Variants in ZBTB16 observed in about 807,000 individuals in gnomAD.
ZBTB16 encodes zinc finger and BTB domain-containing protein 16.
ZBTB16 carries 8 observed loss-of-function variants against 56.8 expected under a neutral mutation model. The observed-to-expected ratio is 0.14, with a 90% CI of 0.08 to 0.25. The LOEUF is 0.25. Among genes scored for constraint, ZBTB16 ranks in the 10% least tolerant of loss-of-function variants. ZBTB16 has a pLI of 1.00. For missense variants in ZBTB16, 625 were observed against 903.0 expected, an observed-to-expected ratio of 0.69 and a Z score of 3.95; for synonymous variants, 363 against 368.5, an observed-to-expected ratio of 0.98 and a Z score of 0.17.
At chr11:114,088,477 T>C (rs1940049238) in intron 2 of ZBTB16, among the ~76,000 whole-genome samples, 2 of 152,156 alleles carry the variant, frequency 1.3e-5, no homozygotes, top group African/African-American at 4.8e-5. Flanking sequence ...GTTCATTTCT[T>C]CCCTAAGAAA....
chr11:114,173,304 C>G (rs1943018670), intron 3 of ZBTB16, among the ~76,000 whole-genome samples: 1 of 152,108 alleles, frequency 6.6e-6, no homozygotes, highest in South Asian at 2.1e-4. Context: ...CCACAGCAGG[C>G]CTGGAGAGAC....
chr11:114,137,027 C>G (rs1419830191), intron 2 of ZBTB16, among the ~76,000 whole-genome samples: 1 of 152,154 alleles, frequency 6.6e-6, no homozygotes, highest in Non-Finnish European at 1.5e-5. Context: ...GTCTGGAATG[C>G]TTGAGTACAT....
chr11:114,222,357 GC>G (rs1180611614), intron 4 of ZBTB16, among the ~76,000 whole-genome samples: 1 of 152,154 alleles, frequency 6.6e-6, no homozygotes, highest in Non-Finnish European at 1.5e-5. Context: ...TAAGAAAGAA[GC>G]CTGAAGGTGA....
At chr11:114,142,263 C>T (rs1468185313) in intron 2 of ZBTB16, among the ~76,000 whole-genome samples, 1 of 152,184 alleles carries the variant, frequency 6.6e-6, no homozygotes, top group African/African-American at 2.4e-5. Flanking sequence ...TTCCTGTTGC[C>T]TAAAAACTTT....
intron 5 of ZBTB16, chr11:114,246,995 G>T: frequency 4.5e-6 from 3 of 665,212 alleles, no homozygotes; most frequent in Non-Finnish European, 2.6e-6. Context: ...AGATGATCAT[G>T]GGGCCACAGT....
At chr11:114,161,088 C>T (rs988611502) in intron 3 of ZBTB16, among the ~76,000 whole-genome samples, 5 of 152,098 alleles carry the variant, frequency 3.3e-5, no homozygotes, top group African/African-American at 1.2e-4. Flanking sequence ...CACTCCTTGT[C>T]GTAACACGAG....
Position 114,063,935 on chromosome 11 carries a change from C to T in ZBTB16, c.635C>T (p.Ser212Phe). ...GACAGTTTGATGACCATAGGACAGT[C>T]TCTCCTGCAGGGAACTCTTCAGCCA... ...AVDSLMTIGQ[S>F]LLQGTLQPPA... Residue 212 changes from serine to phenylalanine, a missense_variant, in exon 2 of 7, where the codon TCT becomes TTT. Around this residue, in one of 6 missense-constraint regions of ZBTB16, gnomAD observed 384 missense variants for 393.5 expected, o/e 0.98. Coordinates refer to ENST00000335953, the MANE Select transcript of ZBTB16 (RefSeq NM_006006.6). This position sits in a 1 kb window ranked among gnomAD's most constrained non-coding sequence, Gnocchi z 6.5. The T allele has an allele frequency of 1.9e-6, 3 of 1,613,914 alleles. No homozygotes were observed. Among genetic ancestry groups the T allele is most frequent in the South Asian group, 2.2e-5 (2 of 91,090 alleles).
At chr11:114,218,674 G>T (rs1337767521) in intron 4 of ZBTB16, among the ~76,000 whole-genome samples, 7 of 152,184 alleles carry the variant, frequency 4.6e-5, no homozygotes, top group Non-Finnish European at 1.0e-4. Context: ...GTTAAATTGA[G>T]ATATTAACTT....
chr11:114,247,163 A>T, intron 5 of ZBTB16, 35 bp from the exon 6 acceptor site: 1 of 1,614,148 alleles, frequency 6.2e-7, no homozygotes, highest in Non-Finnish European at 8.5e-7. Context: ...GGGCAGGGAG[A>T]GGCAAAGGCC....
chr11:114,145,339 A>G (rs902153988), intron 2 of ZBTB16, among the ~76,000 whole-genome samples: 1 of 152,256 alleles, frequency 6.6e-6, no homozygotes, highest in African/African-American at 2.4e-5. Context: ...GTGAAAACAT[A>G]TGTCCACACA....
chr11:114,226,217 ACTCTCTAATG>A (rs1195669875), intron 4 of ZBTB16, among the ~76,000 whole-genome samples: 1 of 152,136 alleles, frequency 6.6e-6, no homozygotes, highest in Non-Finnish European at 1.5e-5. Context: ...ACATAAAGTA[ACTCTCTAATG>A]CTGTTCCCCA....
At position 114,256,451 on chromosome 11, in the gene ZBTB16, C is replaced by T. The variant is rs1945018162; in HGVS notation, c.*5896C>T. On this transcript the variant is annotated 3_prime_UTR_variant, in exon 7 of 7. Transcript: ENST00000335953. ...TCAGGATTGCACGGCTGGTGAGCAG[C>T]AGTCAGAACTCCATCCACCTCTCCT... Among the ~76,000 whole-genome samples the T allele has an allele frequency of 6.6e-6, 1 of 152,184 alleles. No individual in the cohort carries two copies. The highest frequency in any genetic ancestry group is 1.5e-5 in the Non-Finnish European group (1 of 68,032).
At chr11:114,080,429 G>A (rs1343556824) in intron 2 of ZBTB16, among the ~76,000 whole-genome samples, 1 of 151,672 alleles carries the variant, frequency 6.6e-6, no homozygotes, top group Non-Finnish European at 1.5e-5. Flanking sequence ...GCACATGCTC[G>A]CTCTCGCTGG....
Position 114,250,319 on chromosome 11 carries a change from C to A in ZBTB16, c.1793-7C>A. On this transcript the variant is annotated splice_region_variant and splice_polypyrimidine_tract_variant and intron_variant, in intron 6 of 6. Coordinates refer to ENST00000335953, the MANE Select transcript of ZBTB16 (RefSeq NM_006006.6). The surrounding 1 kb of genome is among the most constrained non-coding windows in gnomAD (Gnocchi z 6.0). ...CACTTTCTCCTGCCCTGTCCCTCCG[C>A]CCTCAGGTGAGAAGCCCTTTGAGTG... 6.2e-7 allele frequency: 1 copy of A among 1,610,716 alleles called. No individual in the cohort carries two copies. The highest frequency in any genetic ancestry group is 1.7e-4 in the Middle Eastern group (1 of 6,058).
At chr11:114,150,461 C>T (rs921362935) in intron 2 of ZBTB16, among the ~76,000 whole-genome samples, 1 of 152,126 alleles carries the variant, frequency 6.6e-6, no homozygotes, top group African/African-American at 2.4e-5. Flanking sequence ...ATAGCAAGAC[C>T]TCGTCTCTAT....
intron 2 of ZBTB16, among the ~76,000 whole-genome samples, chr11:114,101,873 A>C (rs768970899): frequency 1.3e-5 from 2 of 152,148 alleles, no homozygotes; most frequent in African/African-American, 2.4e-5. Flanking sequence ...TCATTTTTGT[A>C]TGTGTTACAG....
chr11:114,228,003 A>G (rs773153488), intron 4 of ZBTB16, among the ~76,000 whole-genome samples: 15 of 152,196 alleles, frequency 9.9e-5, no homozygotes, highest in Non-Finnish European at 2.2e-4. Flanking sequence ...CTCCGTACCC[A>G]TTAAACACCA....
At chr11:114,224,394 A>G (rs1944291639) in intron 4 of ZBTB16, among the ~76,000 whole-genome samples, 1 of 152,242 alleles carries the variant, frequency 6.6e-6, no homozygotes, top group South Asian at 2.1e-4. Flanking sequence ...AATGAAGAAT[A>G]CAAGAAAAAA....
At chr11:114,187,102 C>G in intron 4 of ZBTB16, 64 bp downstream of exon 4, 1 of 1,532,618 alleles carries the variant, frequency 6.5e-7, no homozygotes, top group African/African-American at 1.4e-5. Context: ...TGGACATGAA[C>G]TGTCTGGGTG....
Sources: gnomAD v4.1 joint callset for allele counts (sites outside exome capture counted in the v4.1 genomes callset) on GRCh38, gnomAD v4.1.1 for gene constraint, gnomAD v4.1.1 regional missense constraint, Gnocchi (gnomAD v3.1) non-coding constraint, MANE v1.5 for transcripts, NCBI Gene and HGNC (gene_info 2026-07-23, HGNC 2026-07-21) for gene names.